The following DPP10 variants were observed in gnomAD, a reference collection of about 807,000 sequenced individuals.
The protein encoded by DPP10 is dipeptidyl peptidase like 10.
Under a neutral mutation model 120.9 loss-of-function variants are expected in DPP10, and 33 were observed. That is an observed-to-expected ratio of 0.27 (90% CI 0.21 to 0.37). DPP10 has a LOEUF of 0.37. Ranked by LOEUF, DPP10 falls within the 10% of genes least tolerant of loss-of-function variation. The pLI is 1.00. For synonymous variants in DPP10, 337 were observed against 326.1 expected (o/e 1.03, Z -0.36); for missense variants, 816 against 942.8 (o/e 0.87, Z 1.76).
intron 3 of DPP10, among the ~76,000 whole-genome samples, chr2:115,479,388 A>G (rs1339607056): frequency 6.6e-6 from 1 of 152,104 alleles, no homozygotes; most frequent in African/African-American, 2.4e-5. Context: ...AAGTAAAATA[A>G]TGGTTTCCAA....
At chr2:115,342,268 G>A in intron 2 of DPP10, 3 of 370,642 alleles carry the variant, frequency 8.1e-6, no homozygotes, top group South Asian at 6.0e-5. Flanking sequence ...GTGCAGTGGT[G>A]CGATCTCAGC....
At chr2:114,735,046 T>A (rs980027519) in intron 1 of DPP10, among the ~76,000 whole-genome samples, 3 of 152,190 alleles carry the variant, frequency 2.0e-5, no homozygotes, top group African/African-American at 7.2e-5. Context: ...TGGGTACCGA[T>A]CAGATTGCAT....
chr2:115,781,841 G>A (rs1263172386), intron 16 of DPP10, among the ~76,000 whole-genome samples: 2 of 152,000 alleles, frequency 1.3e-5, no homozygotes, highest in African/African-American at 2.4e-5. Context: ...ATTAGCTAGT[G>A]TATTTTAAAT....
intron 5 of DPP10, among the ~76,000 whole-genome samples, chr2:115,606,491 T>A (rs1237701800): frequency 6.6e-6 from 1 of 152,188 alleles, no homozygotes; most frequent in East Asian, 1.9e-4. Flanking sequence ...TCTTTTAAAT[T>A]GTTTCCTTCA....
chr2:114,735,201 T>A (rs1308799172), intron 1 of DPP10, among the ~76,000 whole-genome samples: 1 of 152,168 alleles, frequency 6.6e-6, no homozygotes, highest in Non-Finnish European at 1.5e-5. Flanking sequence ...TAATTGTATT[T>A]ACTTTGCTGT....
At chr2:115,323,734 G>A (rs541833994) in intron 2 of DPP10, among the ~76,000 whole-genome samples, 139 of 152,244 alleles carry the variant, frequency 9.1e-4, no homozygotes, top group African/African-American at 3.2e-3. Context: ...CTTCATCAGG[G>A]CTCTTGGGTA....
intron 1 of DPP10, among the ~76,000 whole-genome samples, chr2:114,638,096 T>C (rs1193972134): frequency 6.6e-6 from 1 of 151,888 alleles, no homozygotes; most frequent in Non-Finnish European, 1.5e-5. Flanking sequence ...TTTAATAATA[T>C]TCTTCTAATC....
At chr2:115,655,699 G>T (rs1418157768) in intron 5 of DPP10, among the ~76,000 whole-genome samples, 7 of 151,296 alleles carry the variant, frequency 4.6e-5, no homozygotes, top group Non-Finnish European at 8.9e-5. Flanking sequence ...TAATGATGGA[G>T]AATTAATAAA....
At chr2:114,471,942 C>T (rs538176610) in intron 1 of DPP10, among the ~76,000 whole-genome samples, 2 of 152,312 alleles carry the variant, frequency 1.3e-5, no homozygotes, top group East Asian at 3.9e-4. Context: ...GTCACAGCTT[C>T]AACAGTCAGT....
chr2:115,406,287 A>T (rs148641754), intron 3 of DPP10, among the ~76,000 whole-genome samples: 238 of 152,300 alleles, frequency 1.6e-3, no homozygotes, highest in African/African-American at 5.7e-3. Flanking sequence ...TCTCATCTGA[A>T]TGGCTTTTAC....
At chr2:114,923,149 T>C (rs1695325452) in intron 1 of DPP10, among the ~76,000 whole-genome samples, 1 of 152,020 alleles carries the variant, frequency 6.6e-6, no homozygotes, top group African/African-American at 2.4e-5. Flanking sequence ...AGATATATGA[T>C]TTATAATTTT....
intron 1 of DPP10, among the ~76,000 whole-genome samples, chr2:114,824,876 A>G (rs1307180491): frequency 6.6e-6 from 1 of 152,178 alleles, no homozygotes; most frequent in East Asian, 1.9e-4. Flanking sequence ...TCTCTAACAG[A>G]GATACTGTTG....
intron 5 of DPP10, among the ~76,000 whole-genome samples, chr2:115,650,952 C>T (rs1470937178): frequency 6.6e-6 from 1 of 152,014 alleles, no homozygotes; most frequent in South Asian, 2.1e-4. Flanking sequence ...TCAAGACTCA[C>T]CTCAAGTGAT....
chr2:115,266,749 T>G (rs1459691018), intron 1 of DPP10, among the ~76,000 whole-genome samples: 1 of 152,210 alleles, frequency 6.6e-6, no homozygotes, highest in Non-Finnish European at 1.5e-5. Context: ...TCAACTTTTA[T>G]GTACTGAGAA....
intron 1 of DPP10, among the ~76,000 whole-genome samples, chr2:114,960,148 C>A (rs193236129): frequency 1.6e-4 from 24 of 152,210 alleles, no homozygotes; most frequent in Non-Finnish European, 2.8e-4. Flanking sequence ...TACATAATTT[C>A]ATCTCCTACC....
chr2:115,378,559 A>G (rs2066004465), intron 3 of DPP10, among the ~76,000 whole-genome samples: 2 of 150,566 alleles, frequency 1.3e-5, no homozygotes, highest in Admixed American at 6.6e-5. Context: ...TCTCCTGCCT[A>G]ATTGCCCTGG....
At chr2:115,354,192 TGTTGTTACCTGGGTATACCAG>T (rs1257235059) in intron 3 of DPP10, among the ~76,000 whole-genome samples, 2 of 152,170 alleles carry the variant, frequency 1.3e-5, no homozygotes, top group Admixed American at 6.6e-5. Context: ...CAGGGGTACA[TGTTGTTACCTGGGTATACCAG>T]GTTGTTACCT....
At chr2:114,451,365 C>T (rs1678265561) in intron 1 of DPP10, among the ~76,000 whole-genome samples, 1 of 151,930 alleles carries the variant, frequency 6.6e-6, no homozygotes, top group African/African-American at 2.4e-5. Flanking sequence ...AGGGTGATAG[C>T]TTTTGTTTTT....
chr2:114,720,663 G>T (rs1028466290), intron 1 of DPP10, among the ~76,000 whole-genome samples: 18 of 152,258 alleles, frequency 1.2e-4, no homozygotes, highest in Non-Finnish European at 2.2e-4. Flanking sequence ...AGGAAACCTG[G>T]GTGTTAGATC....
Sources: allele counts gnomAD v4.1 joint callset (sites outside exome capture counted in the v4.1 genomes callset), GRCh38; gene constraint gnomAD v4.1.1; transcripts MANE v1.5; gene names NCBI Gene and HGNC (gene_info 2026-07-23, HGNC 2026-07-21).